The following CMTM7 variants were observed in gnomAD, a reference collection of about 807,000 sequenced individuals.
CMTM7 encodes the protein CKLF-like MARVEL transmembrane domain-containing protein 7.
Under a neutral mutation model 19.3 loss-of-function variants are expected in CMTM7, and 7 were observed. The ratio of observed to expected loss-of-function variants is 0.36; its 90% CI spans 0.21 to 0.68. The LOEUF is 0.68. Ranked by LOEUF, CMTM7 falls within the 30% of genes least tolerant of loss-of-function variation. The pLI is 0.60. For synonymous variants in CMTM7, 87 were observed against 99.3 expected (o/e 0.88, Z 0.74); for missense variants, 193 against 232.6 (o/e 0.83, Z 1.11).
intron 1 of CMTM7, among the ~76,000 whole-genome samples, chr3:32,397,996 C>A (rs1221593464): frequency 1.3e-5 from 2 of 152,196 alleles, no homozygotes; most frequent in African/African-American, 4.8e-5. Context: ...TAAATTGCAT[C>A]TTGACAGATG....
intron 1 of CMTM7, among the ~76,000 whole-genome samples, chr3:32,436,147 G>A (rs1301335504): frequency 6.6e-6 from 1 of 152,174 alleles, no homozygotes; most frequent in Admixed American, 6.5e-5. Context: ...CCTCCCTTGG[G>A]TTTCTATGGC....
At chr3:32,420,594 C>A (rs539283011) in intron 1 of CMTM7, among the ~76,000 whole-genome samples, 6 of 152,306 alleles carry the variant, frequency 3.9e-5, no homozygotes, top group South Asian at 4.1e-4. Context: ...AATGATCATG[C>A]CTTTGAACTG....
chr3:32,437,300 T>TA (rs966887851), intron 1 of CMTM7, among the ~76,000 whole-genome samples: 6 of 152,100 alleles, frequency 3.9e-5, no homozygotes, highest in African/African-American at 1.2e-4. Context: ...GTGTTACTTT[T>TA]AAACCCCTGG....
intron 3 of CMTM7, 88 bp from the exon 4 acceptor site, chr3:32,452,304 A>G: frequency 6.2e-7 from 1 of 1,608,958 alleles, no homozygotes; most frequent in African/African-American, 1.3e-5. Context: ...ACATGAAGGG[A>G]ACAAGCACAG....
intron 1 of CMTM7, among the ~76,000 whole-genome samples, chr3:32,416,365 T>TTC (rs1213668500): frequency 6.3e-5 from 1 of 15,988 alleles, no homozygotes. Context: ...GGGCTAATTT[T>TTC]TTTTTTTTTT....
chr3:32,424,777 G>A (rs1696403594), intron 1 of CMTM7, among the ~76,000 whole-genome samples: 1 of 152,082 alleles, frequency 6.6e-6, no homozygotes, highest in East Asian at 1.9e-4. Flanking sequence ...CTTCCGAGTA[G>A]CTGGACCACA....
At chr3:32,442,525 A>AG (rs1696695622) in intron 2 of CMTM7, among the ~76,000 whole-genome samples, 1 of 144,286 alleles carries the variant, frequency 6.9e-6, no homozygotes, top group African/African-American at 2.6e-5. Flanking sequence ...AAAAAAAAAA[A>AG]AAGAAGAAGG....
At chr3:32,404,144 T>C (rs1173459714) in intron 1 of CMTM7, among the ~76,000 whole-genome samples, 1 of 40,536 alleles carries the variant, frequency 2.5e-5, no homozygotes, top group Non-Finnish European at 7.0e-5. Context: ...CTTTCTTTCT[T>C]TTTTTTTCTT....
At chr3:32,441,814 C>T in intron 1 of CMTM7, 26 bp from the exon 2 acceptor site, 2 of 1,610,088 alleles carry the variant, frequency 1.2e-6, no homozygotes, top group Admixed American at 3.4e-5. Flanking sequence ...GCAAGCATTT[C>T]TCTGATGTCT....
intron 1 of CMTM7, among the ~76,000 whole-genome samples, chr3:32,418,950 A>G (rs1410356269): frequency 6.6e-6 from 1 of 152,182 alleles, no homozygotes; most frequent in Non-Finnish European, 1.5e-5. Flanking sequence ...GATTTGATTG[A>G]AATTGTGTTG....
At chr3:32,429,710 C>T (rs1209036472) in intron 1 of CMTM7, among the ~76,000 whole-genome samples, 1 of 151,396 alleles carries the variant, frequency 6.6e-6, no homozygotes, top group Non-Finnish European at 1.5e-5. Context: ...ACGCCATTCT[C>T]CTGCCTCAGC....
intron 1 of CMTM7, among the ~76,000 whole-genome samples, chr3:32,426,323 C>G (rs1696432659): frequency 6.6e-6 from 1 of 152,056 alleles, no homozygotes; most frequent in Non-Finnish European, 1.5e-5. Context: ...TCTTTCTTAA[C>G]CTTTTTAATA....
At position 32,392,063 on chromosome 3, in the gene CMTM7, A is replaced by T; in HGVS notation, c.157A>T (p.Met53Leu). 8.1e-7 allele frequency: 1 copy of T among 1,233,922 alleles called. No individual in the cohort carries two copies. Among genetic ancestry groups the T allele is most frequent in the Non-Finnish European group, 1.0e-6 (1 of 986,584 alleles). The allele number at this position is 1,233,922 out of a possible 1,614,324, so 76.4% of individuals were successfully genotyped here. ...THAALLKVAQ[M>L]VTLLIAFICV... ...CGCGGCCCTGCTGAAAGTGGCGCAAATGGTAAGTGAGCGCGGGGCGCGAGG... is the reference window on the plus strand; with the variant it reads ...CGCGGCCCTGCTGAAAGTGGCGCAATTGGTAAGTGAGCGCGGGGCGCGAGG... The change falls in exon 1 of 5, where the codon ATG (methionine) becomes TTG (leucine). Residue 53 changes from methionine (M) to leucine (L), a missense_variant and splice_region_variant. Met to Leu is a conservative substitution (Grantham distance 15). Transcript: ENST00000334983.
rs904515878 is a variant in CMTM7, at chr3:32,400,231, G to C, written c.159+8166G>C. On this transcript the variant is annotated intron_variant, in intron 1 of 4. Transcript: ENST00000334983. ...GACGGGGTTTCTCCATGTTGGCCAG[G>C]CTGGTCTCAAACCCCTGACCTCAGG... Among the ~76,000 whole-genome samples the C allele has an allele frequency of 2.3e-4, 35 of 152,038 alleles. 1 individual carries two copies. The highest frequency in any genetic ancestry group is 1.9e-3 in the Admixed American group (29 of 15,284).
At chr3:32,427,101 C>T (rs1453699115) in intron 1 of CMTM7, among the ~76,000 whole-genome samples, 2 of 152,162 alleles carry the variant, frequency 1.3e-5, no homozygotes, top group African/African-American at 4.8e-5. Flanking sequence ...ATGGCACCAG[C>T]CATTGAACTG....
At chr3:32,400,501 C>T (rs6787078) in intron 1 of CMTM7, among the ~76,000 whole-genome samples, 53,182 of 147,260 alleles carry the variant, frequency 0.36, 10,167 homozygotes, top group African/African-American at 0.51. Context: ...CAAGTGATTC[C>T]CCTGCCTTAG....
chr3:32,408,761 A>AT (rs1696126395), intron 1 of CMTM7, among the ~76,000 whole-genome samples: 23 of 152,326 alleles, frequency 1.5e-4, no homozygotes, highest in Admixed American at 1.1e-3. Flanking sequence ...CTGCAGCCCA[A>AT]AAACATATGT....
At position 32,413,069 on chromosome 3, in the gene CMTM7, T is replaced by C. The variant is rs1696203912; in HGVS notation, c.159+21004T>C. ...AAATCTGGCCTGCCACCTGTTTTTG[T>C]AAATAAAGTTGTATTGGAACACAGC... On this transcript the variant is annotated intron_variant, in intron 1 of 4. Transcript: ENST00000334983. Among the ~76,000 whole-genome samples, 4 of 152,252 alleles carry C rather than the reference T, an allele frequency of 2.6e-5. No individual in the cohort carries two copies. The South Asian group carries it at 8.3e-4, about 32-fold the overall frequency.
chr3:32,444,273 G>A (rs938416699), intron 2 of CMTM7, among the ~76,000 whole-genome samples: 16 of 152,180 alleles, frequency 1.1e-4, no homozygotes, highest in African/African-American at 3.4e-4. Flanking sequence ...TCTATTGCAT[G>A]TAGATATCCA....
Sources: allele counts gnomAD v4.1 joint callset (sites outside exome capture counted in the v4.1 genomes callset), GRCh38; gene constraint gnomAD v4.1.1; transcripts MANE v1.5; gene names NCBI Gene and HGNC (gene_info 2026-07-23, HGNC 2026-07-21).